The following FSTL5 variants were observed in gnomAD, a reference collection of about 807,000 sequenced individuals.
FSTL5 encodes the protein follistatin-related protein 5.
In FSTL5, 62 loss-of-function variants were observed where a neutral mutation model predicts 89.1. The observed-to-expected ratio is 0.70, with a 90% confidence interval of 0.57 to 0.86. The LOEUF is 0.86. Ranked by LOEUF, FSTL5 falls within the 40% of genes least tolerant of loss-of-function variation. The pLI, the probability that FSTL5 is intolerant of heterozygous loss-of-function variation, is 0.00. For synonymous variants in FSTL5, 383 were observed against 346.2 expected (o/e 1.11, Z -1.18); for missense variants, 1,057 against 1,001.6 (o/e 1.06, Z -0.75).
intron 8 of FSTL5, among the ~76,000 whole-genome samples, chr4:161,544,185 A>G (rs533983256): frequency 1.3e-5 from 2 of 152,160 alleles, no homozygotes; most frequent in East Asian, 3.9e-4. Context: ...CCACTACATG[A>G]TACCACTTCA....
At chr4:161,756,901 G>A (rs1190766110) in intron 6 of FSTL5, among the ~76,000 whole-genome samples, 1 of 152,008 alleles carries the variant, frequency 6.6e-6, no homozygotes, top group Admixed American at 6.6e-5. Context: ...AACTATATAC[G>A]ATTGAAATTA....
intron 7 of FSTL5, among the ~76,000 whole-genome samples, chr4:161,630,025 G>A (rs910747105): frequency 3.9e-5 from 6 of 152,158 alleles, no homozygotes; most frequent in African/African-American, 1.4e-4. Context: ...CACTGCAGCC[G>A]AGGCCTCTTA....
At chr4:161,690,338 T>C (rs757472419) in intron 6 of FSTL5, among the ~76,000 whole-genome samples, 2 of 152,164 alleles carry the variant, frequency 1.3e-5, no homozygotes, top group Non-Finnish European at 2.9e-5. Context: ...AGGTAAAATA[T>C]ACATATAAAA....
At chr4:161,459,366 GT>G in intron 13 of FSTL5, 47 bp from the exon 14 acceptor site, 2 of 1,232,526 alleles carry the variant, frequency 1.6e-6, no homozygotes, top group East Asian at 2.4e-5. Context: ...TAAACTATTA[GT>G]TTAAAGCTAG....
chr4:161,547,101 G>A (rs1253186633), intron 8 of FSTL5, among the ~76,000 whole-genome samples: 1 of 152,048 alleles, frequency 6.6e-6, no homozygotes, highest in Admixed American at 6.6e-5. Context: ...TATATGCCAA[G>A]GGGCAGAGAG....
At chr4:161,469,968 G>T (rs1436212628) in intron 13 of FSTL5, among the ~76,000 whole-genome samples, 1 of 152,052 alleles carries the variant, frequency 6.6e-6, no homozygotes, top group Non-Finnish European at 1.5e-5. Flanking sequence ...TGAGTTTTAG[G>T]AGTTCTCTAT....
intron 15 of FSTL5, among the ~76,000 whole-genome samples, chr4:161,421,123 C>T (rs943975543): frequency 1.3e-5 from 2 of 151,988 alleles, no homozygotes; most frequent in East Asian, 1.9e-4. Context: ...AGGCGGATCA[C>T]GAGGTCAGGA....
intron 2 of FSTL5, among the ~76,000 whole-genome samples, chr4:162,078,943 G>C (rs1729976577): frequency 1.3e-5 from 2 of 151,536 alleles, no homozygotes; most frequent in Admixed American, 1.3e-4. Context: ...GAGAAACTTG[G>C]GCATGCTCTA....
chr4:161,768,557 T>C (rs978977402), intron 5 of FSTL5, among the ~76,000 whole-genome samples: 2 of 151,960 alleles, frequency 1.3e-5, no homozygotes, highest in Non-Finnish European at 2.9e-5. Context: ...ATAAAGGAAG[T>C]ACTCAATCTA....
chr4:161,708,643 C>A (rs1006627285), intron 6 of FSTL5, among the ~76,000 whole-genome samples: 38 of 151,896 alleles, frequency 2.5e-4, no homozygotes, highest in African/African-American at 8.9e-4. Context: ...AAAAAACTTT[C>A]ATTTTATCTT....
chr4:162,056,492 A>G (rs2111269814), intron 2 of FSTL5, among the ~76,000 whole-genome samples: 1 of 152,242 alleles, frequency 6.6e-6, no homozygotes, highest in Admixed American at 6.5e-5. Flanking sequence ...GCATTGTATG[A>G]ACATTCTGTC....
intron 6 of FSTL5, among the ~76,000 whole-genome samples, chr4:161,743,200 C>T (rs1413170381): frequency 2.0e-5 from 3 of 152,092 alleles, no homozygotes; most frequent in Non-Finnish European, 4.4e-5. Context: ...TCAGCTCTTA[C>T]TTTTTGGTCA....
At chr4:162,066,376 T>TCTTCTTCTC (rs1561000633) in intron 2 of FSTL5, among the ~76,000 whole-genome samples, 3 of 137,302 alleles carry the variant, frequency 2.2e-5, no homozygotes, top group Non-Finnish European at 4.7e-5. Flanking sequence ...TTCTTCTCCT[T>TCTTCTTCTC]CTTCTTCTTC....
intron 8 of FSTL5, among the ~76,000 whole-genome samples, chr4:161,552,090 A>G (rs1732237018): frequency 6.6e-6 from 1 of 151,790 alleles, no homozygotes; most frequent in Admixed American, 6.6e-5. Flanking sequence ...CTACTCATCT[A>G]ATAAATAACT....
chr4:161,402,102 A>AGATGAAAGG (rs1731197873), intron 15 of FSTL5, among the ~76,000 whole-genome samples: 1 of 152,184 alleles, frequency 6.6e-6, no homozygotes, highest in Non-Finnish European at 1.5e-5. Flanking sequence ...AGGAACTGTT[A>AGATGAAAGG]CCAGAAGGAA....
At chr4:161,656,919 T>A (rs1318781783) in intron 6 of FSTL5, among the ~76,000 whole-genome samples, 2 of 152,174 alleles carry the variant, frequency 1.3e-5, no homozygotes, top group Non-Finnish European at 2.9e-5. Flanking sequence ...ATGCATCTTT[T>A]TGCTGGGAAA....
At chr4:161,997,163 AAT>A (rs1479048730) in intron 3 of FSTL5, among the ~76,000 whole-genome samples, 1 of 152,224 alleles carries the variant, frequency 6.6e-6, no homozygotes, top group Admixed American at 6.5e-5. Context: ...ATTTTGAACT[AAT>A]AAGTTCCTCA....
At chr4:161,531,663 G>T (rs1046612586) in intron 10 of FSTL5, among the ~76,000 whole-genome samples, 1 of 152,098 alleles carries the variant, frequency 6.6e-6, no homozygotes, top group East Asian at 1.9e-4. Flanking sequence ...TTTATTTAAA[G>T]TATCTTAATA....
intron 1 of FSTL5, among the ~76,000 whole-genome samples, chr4:162,123,881 T>G (rs779079137): frequency 2.2e-4 from 33 of 149,536 alleles, no homozygotes; most frequent in Middle Eastern, 3.5e-3. Flanking sequence ...AAAAAAAAAC[T>G]GAAGAAAGGT....
Sources: allele counts gnomAD v4.1 joint callset (sites outside exome capture counted in the v4.1 genomes callset), GRCh38; gene constraint gnomAD v4.1.1; transcripts MANE v1.5; gene names NCBI Gene and HGNC (gene_info 2026-07-23, HGNC 2026-07-21).